The following BBX variants were observed in gnomAD, a reference collection of about 807,000 sequenced individuals.
BBX encodes BBX high mobility group box domain containing.
Under a neutral mutation model 100.2 loss-of-function variants are expected in BBX, and 30 were observed. That is an observed-to-expected ratio of 0.30 (90% CI 0.22 to 0.41). The LOEUF (loss-of-function observed/expected upper bound fraction) is 0.41. BBX is among the 10% of genes least tolerant of loss of function. The probability of loss-of-function intolerance (pLI) is 1.00; values close to 1 mark genes in which losing one functional copy is unlikely to be tolerated. For synonymous variants in BBX, 376 were observed against 388.1 expected (o/e 0.97, Z 0.37); for missense variants, 1,023 against 1,129.8 (o/e 0.91, Z 1.35).
chr3:107,658,580 A>C (rs563062070), intron 3 of BBX, among the ~76,000 whole-genome samples: 2 of 152,298 alleles, frequency 1.3e-5, no homozygotes, highest in South Asian at 4.1e-4. Flanking sequence ...TCCTAGTCTT[A>C]AGAAACAGAT....
chr3:107,558,550 G>T (rs2050249013), intron 2 of BBX, among the ~76,000 whole-genome samples: 1 of 152,072 alleles, frequency 6.6e-6, no homozygotes, highest in African/African-American at 2.4e-5. Flanking sequence ...GGGCTGTCAG[G>T]GGCTGTCCTA....
At position 107,766,831 on chromosome 3, in the gene BBX, A is replaced by G. The variant is rs567633164; in HGVS notation, c.907-5797A>G. On this transcript the variant is annotated intron_variant, in intron 10 of 17. Transcript: ENST00000325805. Reference sequence around the variant, plus strand: ...CAATTGTCCATCAAAGATAGACTGGATAAAGAAATGTGGCACATATACACC... The same window carrying G: ...CAATTGTCCATCAAAGATAGACTGGGTAAAGAAATGTGGCACATATACACC... Among the ~76,000 whole-genome samples, 3 of 152,346 alleles carry G rather than the reference A, an allele frequency of 2.0e-5. No individual in the cohort carries two copies. The East Asian group carries it at 5.8e-4, about 29-fold the overall frequency.
At chr3:107,542,127 A>G (rs983156960) in intron 2 of BBX, among the ~76,000 whole-genome samples, 1 of 152,222 alleles carries the variant, frequency 6.6e-6, no homozygotes, top group Non-Finnish European at 1.5e-5. Context: ...TTATTCAATT[A>G]ATATTTTATA....
intron 6 of BBX, among the ~76,000 whole-genome samples, chr3:107,729,832 T>C (rs985204119): frequency 6.6e-6 from 1 of 152,234 alleles, no homozygotes; most frequent in African/African-American, 2.4e-5. Context: ...CACTTTTTTT[T>C]TGAATAACCA....
At chr3:107,695,226 G>A (rs1172256447) in intron 3 of BBX, among the ~76,000 whole-genome samples, 3 of 94,224 alleles carry the variant, frequency 3.2e-5, no homozygotes, top group African/African-American at 1.5e-4. Flanking sequence ...GTTATTTCTT[G>A]CCTTCTGCTA....
At chr3:107,552,109 C>T (rs185064826) in intron 2 of BBX, among the ~76,000 whole-genome samples, 6 of 151,802 alleles carry the variant, frequency 4.0e-5, no homozygotes, top group East Asian at 1.9e-4. Context: ...TGGGAGGCTG[C>T]GGCAGGCGGA....
chr3:107,639,191 G>A (rs2057046117), intron 2 of BBX, among the ~76,000 whole-genome samples: 1 of 152,198 alleles, frequency 6.6e-6, no homozygotes, highest in Middle Eastern at 3.4e-3. Context: ...TTAAGAATGT[G>A]ATTTTGTAAT....
At chr3:107,570,364 A>G (rs1439098155) in intron 2 of BBX, among the ~76,000 whole-genome samples, 1 of 152,156 alleles carries the variant, frequency 6.6e-6, no homozygotes, top group African/African-American at 2.4e-5. Context: ...CGGGTTGGGT[A>G]ATAAAATGCA....
intron 12 of BBX, among the ~76,000 whole-genome samples, chr3:107,776,500 C>T (rs988081623): frequency 7.9e-5 from 12 of 152,120 alleles, no homozygotes; most frequent in African/African-American, 2.7e-4. Context: ...TGTCAGGATT[C>T]GAGTATTTGG....
At chr3:107,628,028 AT>A (rs2056310303) in intron 2 of BBX, among the ~76,000 whole-genome samples, 2 of 152,226 alleles carry the variant, frequency 1.3e-5, no homozygotes, top group South Asian at 4.1e-4. Flanking sequence ...TGTGAATGAA[AT>A]TAACTGAAGC....
intron 11 of BBX, 128 bp from the exon 12 acceptor site, chr3:107,774,591 G>T: frequency 9.9e-7 from 1 of 1,012,026 alleles, no homozygotes; most frequent in Non-Finnish European, 1.4e-6. Context: ...TGAGAACTCT[G>T]AAATAGCTAC....
intron 10 of BBX, among the ~76,000 whole-genome samples, chr3:107,765,146 T>C (rs2066279133): frequency 6.6e-6 from 1 of 152,216 alleles, no homozygotes; most frequent in Admixed American, 6.5e-5. Flanking sequence ...ATGATACTAA[T>C]ATGAGTATTA....
chr3:107,756,683 T>A (rs1372489310), intron 10 of BBX, among the ~76,000 whole-genome samples: 1 of 152,098 alleles, frequency 6.6e-6, no homozygotes, highest in Non-Finnish European at 1.5e-5. Context: ...AAAAGTAAAA[T>A]TAATAAACAA....
At chr3:107,610,178 T>A (rs1327354098) in intron 2 of BBX, among the ~76,000 whole-genome samples, 1 of 152,138 alleles carries the variant, frequency 6.6e-6, no homozygotes, top group Non-Finnish European at 1.5e-5. Flanking sequence ...TGTGTTTAAG[T>A]TTCTTTTATT....
chr3:107,772,762 A>C lies in BBX; in HGVS notation c.1041A>C (p.Glu347Asp). Residue 347 changes from glutamate (E) to aspartate (D), a missense_variant, in exon 11 of 18, where the codon GAA becomes GAC. By Grantham distance (45) the Glu-to-Asp change is conservative (BLOSUM62 2). This residue lies in a region of BBX where 348 missense variants were observed against 353.2 expected (regional missense o/e 0.99). Coordinates refer to ENST00000325805, the MANE Select transcript of BBX (RefSeq NM_001142568.3). ...AAATTAAAATGGAGAAAACAGATGA[A>C]ACTAGGTTACAGAAGGAAGCAGAAT... Reference protein sequence around the residue: ...EKEIKMEKTDETRLQKEAEFE... With the variant: ...EKEIKMEKTDDTRLQKEAEFE... 1 of 1,613,232 alleles carries C rather than the reference A, an allele frequency of 6.2e-7. No homozygotes were observed. Among genetic ancestry groups the C allele is most frequent in the Non-Finnish European group, 8.5e-7 (1 of 1,179,800 alleles).
At chr3:107,621,240 G>A (rs1053953414) in intron 2 of BBX, among the ~76,000 whole-genome samples, 2 of 152,086 alleles carry the variant, frequency 1.3e-5, no homozygotes, top group African/African-American at 2.4e-5. Flanking sequence ...TGCCCTGTTG[G>A]CATTTTTGGA....
intron 2 of BBX, among the ~76,000 whole-genome samples, chr3:107,590,744 G>C (rs892312254): frequency 1.3e-5 from 2 of 152,156 alleles, no homozygotes; most frequent in Admixed American, 6.5e-5. Context: ...TTTTATTTCA[G>C]TGAGTTGGGC....
intron 2 of BBX, among the ~76,000 whole-genome samples, chr3:107,602,513 A>C (rs946997912): frequency 2.0e-5 from 3 of 152,176 alleles, no homozygotes; most frequent in Non-Finnish European, 4.4e-5. Context: ...CAGGAGTTTG[A>C]GATCATCAGC....
At chr3:107,632,655 T>C (rs2056616618) in intron 2 of BBX, among the ~76,000 whole-genome samples, 1 of 152,156 alleles carries the variant, frequency 6.6e-6, no homozygotes, top group African/African-American at 2.4e-5. Flanking sequence ...AAAGGGAATG[T>C]CCCCTGGCAG....
Sources: allele counts gnomAD v4.1 joint callset (sites outside exome capture counted in the v4.1 genomes callset), GRCh38; gene constraint gnomAD v4.1.1; regional missense constraint gnomAD v4.1.1; transcripts MANE v1.5; gene names NCBI Gene and HGNC (gene_info 2026-07-23, HGNC 2026-07-21).